Variants in RBBP6 observed in about 807,000 individuals in gnomAD.
RBBP6 encodes the protein RB binding protein 6, ubiquitin ligase, also known as E3 ubiquitin-protein ligase RBBP6.
Under a neutral mutation model 167.7 loss-of-function variants are expected in RBBP6, and 25 were observed. That is an observed-to-expected ratio of 0.15 (90% CI 0.11 to 0.21). The LOEUF is 0.21. Among genes scored for constraint, RBBP6 ranks in the 10% least tolerant of loss-of-function variants. The probability of loss-of-function intolerance (pLI) is 1.00; values close to 1 mark genes in which losing one functional copy is unlikely to be tolerated. For missense variants in RBBP6, 1,868 were observed against 2,134.2 expected (o/e 0.88, Z 2.46); for synonymous variants, 789 against 735.8 (o/e 1.07, Z -1.17).
Position 24,568,955 on chromosome 16 carries a change from A to G in RBBP6, c.2265A>G (p.Arg755=), listed in dbSNP as rs1231033343. The change falls in exon 17 of 18, where the codon CGA becomes CGG. Residue 755 remains arginine, a synonymous_variant. Transcript: ENST00000319715. Reference sequence around the variant, plus strand: ...GGTCTAGATCTCATGGATATCATCGATCTAGGTCAAGGTCACCCCCTTACA... The same window carrying G: ...GGTCTAGATCTCATGGATATCATCGGTCTAGGTCAAGGTCACCCCCTTACA... The part of the protein sequence containing the change: ...RSRSRSHGYH[R]SRSRSPPYRR... The G allele has an allele frequency of 6.2e-7, 1 of 1,614,196 alleles. No individual in the cohort carries two copies. Among genetic ancestry groups the G allele is most frequent in the South Asian group, 1.1e-5 (1 of 91,082 alleles).
In RBBP6 at chr16:24,567,243, T is replaced by C; in HGVS notation, c.1690T>C (p.Leu564=). 1.2e-6 allele frequency: 2 copies of C among 1,614,112 alleles called. No homozygotes were observed. Among genetic ancestry groups the C allele is most frequent in the Non-Finnish European group, 1.7e-6 (2 of 1,179,996 alleles). ...CTTTGTACCTGTTCCACCACCTCCT[T>C]TGTATCCGCCTCCTCCCCATACACT... ...PVFVPVPPPP[L]YPPPPHTLPL... is the part of the protein sequence containing the mutation. The change falls in exon 15 of 18, where the codon TTG becomes CTG. Residue 564 remains leucine (L), a synonymous_variant. Coordinates refer to ENST00000319715, the MANE Select transcript of RBBP6 (RefSeq NM_006910.5).
chr16:24,556,225 G>A (rs1369263927), intron 6 of RBBP6, 83 bp from the exon 7 acceptor site: 2 of 1,113,386 alleles, frequency 1.8e-6, no homozygotes, highest in Non-Finnish European at 2.6e-6. Flanking sequence ...AATATAGTAA[G>A]CACTGTATAA....
At chr16:24,563,368 C>CTA in intron 11 of RBBP6, 55 bp from the exon 12 acceptor site, 1 of 1,445,528 alleles carries the variant, frequency 6.9e-7, no homozygotes, top group Non-Finnish European at 9.4e-7. Flanking sequence ...TTGTTCTTAC[C>CTA]TCTTTTTTTT....
rs557207713 is a variant in RBBP6, at chr16:24,559,410, CTGAATTATGTGT to C, written c.675-93_675-82del. ...TTGTCTAAACTAATTTGGCATTGCG[CTGAATTATGTGT>C]TCCCATTATGTTATAGTAGAACATG... On this transcript the variant is annotated intron_variant, in intron 7 of 17. Coordinates refer to ENST00000319715, the MANE Select transcript of RBBP6 (RefSeq NM_006910.5). 153 of 1,035,940 alleles carry C rather than the reference CTGAATTATGTGT, an allele frequency of 1.5e-4. No individual in the cohort carries two copies. In the African/African-American group the frequency reaches 2.4e-3, roughly 16 times the overall value. 64.2% of individuals were successfully genotyped at this position (1,035,940 alleles called of 1,614,324 possible).
At chr16:24,558,658 C>T (rs1195759835) in intron 7 of RBBP6, 1 of 233,718 alleles carries the variant, frequency 4.3e-6, no homozygotes, top group Non-Finnish European at 7.0e-6. Context: ...TGCCTGATTA[C>T]AGAGAAGATG....
rs955866354 is a variant in RBBP6, at chr16:24,562,308, T to C, written c.1289+147T>C. On this transcript the variant is annotated intron_variant, in intron 10 of 17. Transcript: ENST00000319715. ...CTTGTAAGAAGTGACTTAGTCTTATTGGGGGAAGAGGAAAACAAACGTGAT... is the reference window on the plus strand; with the variant it reads ...CTTGTAAGAAGTGACTTAGTCTTATCGGGGGAAGAGGAAAACAAACGTGAT... 1.0e-5 allele frequency: 8 copies of C among 789,414 alleles called. No homozygotes were observed. In the African/African-American group the frequency reaches 1.4e-4, roughly 14 times the overall value. The allele number at this position is 789,414 out of a possible 1,614,324, so 48.9% of individuals were successfully genotyped here.
intron 3 of RBBP6, chr16:24,549,198 G>A (rs1344611188): frequency 2.8e-6 from 4 of 1,416,406 alleles, no homozygotes. Context: ...CCGTAACACT[G>A]TTTCATATTA....
chr16:24,563,578 A>G (rs747401860), intron 12 of RBBP6, 32 bp from the exon 13 acceptor site: 1 of 1,611,774 alleles, frequency 6.2e-7, no homozygotes. Flanking sequence ...GCAATTTTGT[A>G]TTTACCTACT....
chr16:24,564,299 C>G (rs1204508139), intron 13 of RBBP6, among the ~76,000 whole-genome samples: 1 of 152,116 alleles, frequency 6.6e-6, no homozygotes, highest in Non-Finnish European at 1.5e-5. Context: ...CAGGATGTAT[C>G]AGTAGAAGGA....
At position 24,562,047 on chromosome 16, in the gene RBBP6, C is replaced by A. The variant is rs148200022; in HGVS notation, c.1175C>A (p.Ser392Tyr). 1 of 1,612,498 alleles carries A rather than the reference C, an allele frequency of 6.2e-7. No individual in the cohort carries two copies. Among genetic ancestry groups the A allele is most frequent in the African/African-American group, 1.3e-5 (1 of 74,914 alleles). Residue 392 changes from serine (S) to tyrosine (Y), a missense_variant, in exon 10 of 18, where the codon TCT (serine) becomes TAT (tyrosine). Coordinates refer to ENST00000319715, the MANE Select transcript of RBBP6 (RefSeq NM_006910.5). ...PSISSLTSNQ[S>Y]SLAPPVSGNP... ...ATATCTTCATTAACTTCTAATCAGT[C>A]TTCCTTGGCCCCTCCTGTGTCTGGA...
intron 3 of RBBP6, among the ~76,000 whole-genome samples, chr16:24,551,757 G>A (rs1898801669): frequency 2.0e-5 from 3 of 151,522 alleles, no homozygotes; most frequent in Admixed American, 1.3e-4. Context: ...GAAATCATCA[G>A]TATTTATATT....
chr16:24,563,481 G>A lies in RBBP6; in HGVS notation c.1445G>A (p.Gly482Glu), dbSNP rs1359843933. The A allele has an allele frequency of 6.2e-7, 1 of 1,612,752 alleles. No individual in the cohort carries two copies. The highest frequency in any genetic ancestry group is 1.1e-5 in the South Asian group (1 of 90,982). Residue 482 changes from glycine to glutamate, a missense_variant, in exon 12 of 18, where the codon GGA (glycine) becomes GAA (glutamate). Coordinates refer to ENST00000319715, the MANE Select transcript of RBBP6 (RefSeq NM_006910.5). ...TTGCTTGGACAGTCATTATTGCATG[G>A]ACAGTTGATCCCCACAACTGGTGAG... ...PSLLGQSLLHGQLIPTTGPVR... is the reference protein window; with the variant it reads ...PSLLGQSLLHEQLIPTTGPVR...
At chr16:24,545,883 G>A (rs1596499586) in intron 1 of RBBP6, among the ~76,000 whole-genome samples, 2 of 152,178 alleles carry the variant, frequency 1.3e-5, no homozygotes, top group East Asian at 3.9e-4. Flanking sequence ...CAGCATTTCA[G>A]ACTAAACTAA....
intron 4 of RBBP6, 28 bp from the exon 5 acceptor site, chr16:24,555,586 TG>T: frequency 6.5e-7 from 1 of 1,541,198 alleles, no homozygotes; most frequent in Non-Finnish European, 8.9e-7. Flanking sequence ...GTTTCTAATG[TG>T]TGTGTCAAAT....
At chr16:24,564,734 G>A (rs1460778749) in intron 13 of RBBP6, 63 bp from the exon 14 acceptor site, 2 of 1,538,362 alleles carry the variant, frequency 1.3e-6, no homozygotes, top group Non-Finnish European at 8.8e-7. Context: ...AGCTATGCAT[G>A]GAAAGGTCAT....
intron 14 of RBBP6, among the ~76,000 whole-genome samples, chr16:24,566,247 AC>A (rs1243191328): frequency 6.6e-6 from 1 of 152,214 alleles, no homozygotes; most frequent in Non-Finnish European, 1.5e-5. Flanking sequence ...AATTTAAAGC[AC>A]CTCTAGTTTA....
chr16:24,541,158 G>A (rs1165865002), intron 1 of RBBP6, among the ~76,000 whole-genome samples: 1 of 135,152 alleles, frequency 7.4e-6, no homozygotes, highest in East Asian at 2.2e-4. Context: ...GAGAGCCTGT[G>A]CAAAGCTTGT....
intron 7 of RBBP6, chr16:24,558,504 G>C: frequency 1.0e-6 from 1 of 984,640 alleles, no homozygotes; most frequent in Non-Finnish European, 1.2e-6. Context: ...GATGTCTATG[G>C]AGCAACTGCA....
intron 7 of RBBP6, among the ~76,000 whole-genome samples, chr16:24,557,340 A>G (rs1196430875): frequency 6.6e-6 from 1 of 152,132 alleles, no homozygotes; most frequent in Non-Finnish European, 1.5e-5. Context: ...TTTTTAATGA[A>G]ATGGACAGAC....
Sources: gnomAD v4.1 joint callset for allele counts (sites outside exome capture counted in the v4.1 genomes callset) on GRCh38, gnomAD v4.1.1 for gene constraint, MANE v1.5 for transcripts, NCBI Gene and HGNC (gene_info 2026-07-23, HGNC 2026-07-21) for gene names.